IFT74: variants seen among roughly 807,000 people sequenced by gnomAD.
IFT74 encodes intraflagellar transport protein 74 homolog.
IFT74 carries 92 observed loss-of-function variants against 96.7 expected under a neutral mutation model. The observed-to-expected ratio is 0.95, with a 90% CI of 0.80 to 1.13. The LOEUF (loss-of-function observed/expected upper bound fraction) is 1.13. Ranked by LOEUF, IFT74 falls within the 50% of genes most tolerant of loss-of-function variation. The pLI, the probability that IFT74 is intolerant of heterozygous loss-of-function variation, is 0.00. For synonymous variants in IFT74, 223 were observed against 213.2 expected, an observed-to-expected ratio of 1.05 and a Z score of -0.40; for missense variants, 811 against 698.2, an observed-to-expected ratio of 1.16 and a Z score of -1.82.
intron 12 of IFT74, among the ~76,000 whole-genome samples, chr9:27,024,561 T>TGAGAAGGAACCAG (rs1258176692): frequency 3.3e-5 from 5 of 151,972 alleles, no homozygotes; most frequent in Non-Finnish European, 7.4e-5. Flanking sequence ...TCTACCCAAA[T>TGAGAAGGAACCAG]GAGAAGGAAC....
At chr9:27,033,237 A>T (rs1563990328) in intron 13 of IFT74, among the ~76,000 whole-genome samples, 1 of 152,108 alleles carries the variant, frequency 6.6e-6, no homozygotes, top group Non-Finnish European at 1.5e-5. Context: ...ATAGTGGTCA[A>T]TGTTAGGGCT....
intron 16 of IFT74, among the ~76,000 whole-genome samples, chr9:27,054,553 T>A (rs1456050115): frequency 6.6e-6 from 1 of 152,196 alleles, no homozygotes; most frequent in Non-Finnish European, 1.5e-5. Context: ...TATTTTTGAA[T>A]GGAAGAATGA....
intron 8 of IFT74, chr9:26,994,892 T>C (rs1249709639): frequency 6.6e-6 from 1 of 152,568 alleles, no homozygotes; most frequent in East Asian, 1.9e-4. Context: ...TCCTGCATTA[T>C]GGTGACAGCC....
At chr9:26,996,209 T>A (rs1828147513) in intron 8 of IFT74, 3 of 772,992 alleles carry the variant, frequency 3.9e-6, no homozygotes, top group Non-Finnish European at 5.6e-6. Flanking sequence ...ATGAGGAATC[T>A]TTCTTTTACA....
intron 6 of IFT74, 59 bp from the exon 7 acceptor site, chr9:26,988,610 A>G (rs1827733465): frequency 1.4e-6 from 2 of 1,402,754 alleles, no homozygotes; most frequent in Non-Finnish European, 9.7e-7. Context: ...TATTAATTAT[A>G]GAGAACATGT....
intron 14 of IFT74, 32 bp from the exon 15 acceptor site, chr9:27,047,242 C>T (rs747328442): frequency 2.4e-6 from 3 of 1,272,948 alleles, no homozygotes; most frequent in Non-Finnish European, 3.4e-6. Flanking sequence ...ACTCTATCAG[C>T]AGTAATCTCT....
chr9:27,043,143 C>T (rs1819548257), intron 13 of IFT74, among the ~76,000 whole-genome samples: 1 of 152,098 alleles, frequency 6.6e-6, no homozygotes, highest in East Asian at 1.9e-4. Flanking sequence ...TCCAGGGTTT[C>T]CTATTGGTGC....
Position 27,064,753 on chromosome 9 carries a change from T to C in IFT74, c.*2017T>C, listed in dbSNP as rs963936504. 1.3e-5 allele frequency among the ~76,000 whole-genome samples: 2 copies of C among 152,158 alleles called. No homozygotes were observed. Among genetic ancestry groups the C allele is most frequent in the African/African-American group, 4.8e-5 (2 of 41,458 alleles). ...CTTTACTTTTTCCTTAGGTTTTTTT[T>C]TATGATTTCTACTTAAGTGTTCTTG... On this transcript the variant is annotated 3_prime_UTR_variant, in exon 20 of 20. Transcript: ENST00000380062.
chr9:27,040,925 G>A (rs1819448718), intron 13 of IFT74, among the ~76,000 whole-genome samples: 1 of 152,112 alleles, frequency 6.6e-6, no homozygotes, highest in Admixed American at 6.6e-5. Context: ...AAAGTATGGG[G>A]TGAACTTCCC....
intron 2 of IFT74, among the ~76,000 whole-genome samples, chr9:26,964,738 A>G (rs990354569): frequency 2.6e-5 from 4 of 152,142 alleles, no homozygotes; most frequent in Non-Finnish European, 5.9e-5. Flanking sequence ...CTATTCTAAA[A>G]CTCATCTAGA....
chr9:26,998,971 G>T (rs1203621494), intron 8 of IFT74, among the ~76,000 whole-genome samples: 1 of 152,340 alleles, frequency 6.6e-6, no homozygotes, highest in Middle Eastern at 3.4e-3. Flanking sequence ...TCCAGCCTGG[G>T]CGACAGAGCG....
chr9:27,031,719 C>CTAAATAAAATAA, intron 13 of IFT74, among the ~76,000 whole-genome samples: 1 of 105,490 alleles, frequency 9.5e-6, no homozygotes, highest in Non-Finnish European at 1.9e-5. Flanking sequence ...CTTGCCTTAG[C>CTAAATAAAATAA]TAAATAAAAT....
intron 13 of IFT74, among the ~76,000 whole-genome samples, chr9:27,039,886 C>T (rs1341091570): frequency 6.6e-6 from 1 of 152,032 alleles, no homozygotes; most frequent in Admixed American, 6.5e-5. Flanking sequence ...TTGCTGCTTA[C>T]TGTAATAATG....
At chr9:26,979,027 T>G (rs916863707) in intron 3 of IFT74, among the ~76,000 whole-genome samples, 3 of 152,142 alleles carry the variant, frequency 2.0e-5, no homozygotes, top group African/African-American at 7.2e-5. Flanking sequence ...TTCAGAGTTT[T>G]TCGTTTTCTG....
chr9:27,002,829 C>T (rs149793431), intron 8 of IFT74, among the ~76,000 whole-genome samples: 22 of 152,118 alleles, frequency 1.4e-4, no homozygotes, highest in South Asian at 8.3e-4. Flanking sequence ...CTATGAAGAG[C>T]GTCACTGTAT....
chr9:27,019,259 C>T (rs751909771), intron 12 of IFT74, among the ~76,000 whole-genome samples: 1 of 152,084 alleles, frequency 6.6e-6, no homozygotes, highest in Non-Finnish European at 1.5e-5. Context: ...GCCATGCCCC[C>T]AGTCAATTTT....
At chr9:27,012,655 A>G (rs1021111735) in intron 10 of IFT74, among the ~76,000 whole-genome samples, 1 of 151,782 alleles carries the variant, frequency 6.6e-6, no homozygotes, top group Non-Finnish European at 1.5e-5. Context: ...TTCACAAAAC[A>G]AAATGTGCAT....
intron 6 of IFT74, among the ~76,000 whole-genome samples, chr9:26,987,466 T>C (rs1270451661): frequency 6.6e-6 from 1 of 152,160 alleles, no homozygotes; most frequent in Admixed American, 6.5e-5. Flanking sequence ...AAATTAGGCA[T>C]ATTCATATAA....
chr9:26,972,950 G>A (rs1826941668), intron 2 of IFT74, among the ~76,000 whole-genome samples: 1 of 152,120 alleles, frequency 6.6e-6, no homozygotes, highest in South Asian at 2.1e-4. Flanking sequence ...ACATACTGAA[G>A]CAGGCATATT....
Sources: gnomAD v4.1 joint callset for allele counts (sites outside exome capture counted in the v4.1 genomes callset) on GRCh38, gnomAD v4.1.1 for gene constraint, MANE v1.5 for transcripts, NCBI Gene and HGNC (gene_info 2026-07-23, HGNC 2026-07-21) for gene names.